Variants in VIL1 observed in about 807,000 individuals in gnomAD.
VIL1 encodes the protein villin-1.
In VIL1, 86 loss-of-function variants were observed where a neutral mutation model predicts 104.0. The ratio of observed to expected loss-of-function variants is 0.83; its 90% CI spans 0.69 to 0.99. VIL1 has a LOEUF of 0.99. VIL1 is among the 50% of genes least tolerant of loss of function. VIL1 has a pLI of 0.00. For synonymous variants in VIL1, 394 were observed against 412.6 expected (o/e 0.95, Z 0.55); for missense variants, 944 against 1,054.1 (o/e 0.90, Z 1.45).
intron 6 of VIL1, 74 bp downstream of exon 6, chr2:218,428,411 T>G: frequency 4.6e-6 from 6 of 1,301,048 alleles, no homozygotes; most frequent in Non-Finnish European, 6.7e-6. Context: ...CCCAGGCCTC[T>G]CCCCGCTGAC....
chr2:218,447,517 A>G (rs1689385177), intron 19 of VIL1, among the ~76,000 whole-genome samples: 1 of 151,860 alleles, frequency 6.6e-6, no homozygotes, highest in African/African-American at 2.4e-5. Flanking sequence ...ATGGGGTTTC[A>G]CCATGTTGCC....
chr2:218,448,740 C>A (rs1201242513), intron 19 of VIL1, among the ~76,000 whole-genome samples: 2 of 151,958 alleles, frequency 1.3e-5, no homozygotes, highest in African/African-American at 4.8e-5. Flanking sequence ...TGTGCTGGCT[C>A]ACACCTGTAA....
At chr2:218,420,715 A>T (rs2106388901) in intron 1 of VIL1, among the ~76,000 whole-genome samples, 1 of 151,522 alleles carries the variant, frequency 6.6e-6, no homozygotes, top group East Asian at 2.0e-4. Context: ...CCTCCCGCGT[A>T]GCTGGGACTA....
At position 218,428,001 on chromosome 2, in the gene VIL1, C is replaced by T. The variant is rs11559289; in HGVS notation, c.384C>T (p.His128=). Residue 128 remains histidine, a synonymous_variant, in exon 5 of 20, where the codon CAC becomes CAT. Transcript: ENST00000248444. ...GGGGCGTGGCTTCTGGCATGAAGCA[C>T]GTGGAGACCAACTCCTATGACGTCC... is the stretch of plus-strand genomic sequence containing the variant. ...RKGGVASGMK[H]VETNSYDVQR... is the part of the protein sequence containing the mutation. 80 of 1,614,016 alleles carry T rather than the reference C, an allele frequency of 5.0e-5. 1 individual carries two copies. The Admixed American group carries it at 1.2e-3, about 25-fold the overall frequency.
chr2:218,445,563 CT>C (rs1689350626), intron 19 of VIL1, among the ~76,000 whole-genome samples: 1 of 152,122 alleles, frequency 6.6e-6, no homozygotes, highest in South Asian at 2.1e-4. Flanking sequence ...TCAGACCCCC[CT>C]GAGGTTGAAA....
intron 13 of VIL1, among the ~76,000 whole-genome samples, chr2:218,433,763 C>T (rs866343261): frequency 2.6e-5 from 4 of 152,080 alleles, no homozygotes; most frequent in Admixed American, 6.6e-5. Context: ...AAAAATTAGC[C>T]AAACGTGGTA....
At chr2:218,441,993 GATA>G (rs34846635) in intron 19 of VIL1, among the ~76,000 whole-genome samples, 1 of 151,306 alleles carries the variant, frequency 6.6e-6, no homozygotes, top group Admixed American at 6.6e-5. Flanking sequence ...ATCTCAAAAT[GATA>G]ATAATAATAA....
intron 1 of VIL1, among the ~76,000 whole-genome samples, chr2:218,423,120 G>A (rs1688924441): frequency 6.6e-6 from 1 of 152,224 alleles, no homozygotes; most frequent in Non-Finnish European, 1.5e-5. Context: ...GGCCGGCCAG[G>A]CACAGTGGCT....
Position 218,434,077 on chromosome 2 carries a change from A to G in VIL1, c.1501-449A>G, listed in dbSNP as rs1223386519. On this transcript the variant is annotated intron_variant, in intron 13 of 19. Transcript: ENST00000248444. Reference sequence around the variant, plus strand: ...CCGGGCGTGGCAGTGGGTGCCTACAATCCCAGCTACCCAGGAGGCTGAGGC... The same window carrying G: ...CCGGGCGTGGCAGTGGGTGCCTACAGTCCCAGCTACCCAGGAGGCTGAGGC... Among the ~76,000 whole-genome samples, 7 of 151,746 alleles carry G rather than the reference A, an allele frequency of 4.6e-5. No homozygotes were observed. In the South Asian group the frequency reaches 1.0e-3, roughly 23 times the overall value.
chr2:218,434,114 T>C (rs1225307116), intron 13 of VIL1, among the ~76,000 whole-genome samples: 2 of 147,948 alleles, frequency 1.4e-5, no homozygotes, highest in Admixed American at 7.0e-5. Flanking sequence ...GGAGAATTGC[T>C]TGAACCCAGG....
chr2:218,435,252 G>A (rs778753519), intron 14 of VIL1, 37 bp from the exon 15 acceptor site: 12 of 1,603,484 alleles, frequency 7.5e-6, no homozygotes, highest in East Asian at 4.5e-5. Context: ...GGAGGTAGGG[G>A]TGGCACTAGA....
intron 1 of VIL1, among the ~76,000 whole-genome samples, chr2:218,420,230 G>C (rs1433022337): frequency 6.6e-6 from 1 of 152,068 alleles, no homozygotes; most frequent in Non-Finnish European, 1.5e-5. Context: ...AGGACTTCAA[G>C]ACCAGCCTGA....
chr2:218,445,863 G>A (rs933920671), intron 19 of VIL1, among the ~76,000 whole-genome samples: 10 of 152,114 alleles, frequency 6.6e-5, no homozygotes, highest in African/African-American at 2.2e-4. Flanking sequence ...TGGGAACAAA[G>A]GTCATTTCAG....
chr2:218,447,298 G>C (rs1689380760), intron 19 of VIL1, among the ~76,000 whole-genome samples: 1 of 152,102 alleles, frequency 6.6e-6, no homozygotes, highest in African/African-American at 2.4e-5. Context: ...TAGAAGAGTT[G>C]TATGTCCTGT....
At chr2:218,431,041 A>G in intron 10 of VIL1, 163 bp downstream of exon 10, 1 of 951,756 alleles carries the variant, frequency 1.1e-6, no homozygotes, top group Admixed American at 2.8e-5. Flanking sequence ...GACAAACTCT[A>G]GTTGTCACAA....
intron 19 of VIL1, among the ~76,000 whole-genome samples, chr2:218,442,255 G>C (rs1689297211): frequency 6.6e-6 from 1 of 152,168 alleles, no homozygotes; most frequent in Non-Finnish European, 1.5e-5. Context: ...GGATCAGGCT[G>C]AGCTTAGGGG....
At chr2:218,426,849 G>A (rs577769481) in intron 4 of VIL1, among the ~76,000 whole-genome samples, 12 of 151,990 alleles carry the variant, frequency 7.9e-5, no homozygotes, top group South Asian at 2.1e-4. Context: ...TGATCTGCCC[G>A]CCTTGGCCTC....
In VIL1 at chr2:218,429,305, G is replaced by A; in HGVS notation, c.588G>A (p.Glu196=). Residue 196 remains glutamate, a synonymous_variant, in exon 7 of 20, where the codon GAG becomes GAA. Transcript: ENST00000248444. ...ERLRGMTLAK[E]IRDQERGGRT... ...TGCAGGGCATGACTCTGGCCAAGGA[G>A]ATCCGAGACCAGGAGCGGGGAGGGC... is the stretch of plus-strand genomic sequence containing the variant. 2 of 1,613,668 alleles carry A rather than the reference G, an allele frequency of 1.2e-6. No homozygotes were observed. The highest frequency in any genetic ancestry group is 1.7e-6 in the Non-Finnish European group (2 of 1,179,756).
At chr2:218,438,311 C>T (rs1276347271) in intron 17 of VIL1, among the ~76,000 whole-genome samples, 4 of 152,230 alleles carry the variant, frequency 2.6e-5, no homozygotes, top group Admixed American at 2.6e-4. Flanking sequence ...AGGAGCCCTG[C>T]ATTTCCCAGA....
Sources: allele counts gnomAD v4.1 joint callset (sites outside exome capture counted in the v4.1 genomes callset), GRCh38; gene constraint gnomAD v4.1.1; transcripts MANE v1.5; gene names NCBI Gene and HGNC (gene_info 2026-07-23, HGNC 2026-07-21).